Variants in LDB2 observed in about 807,000 individuals in gnomAD.
LDB2 encodes the protein LIM domain-binding protein 2.
Under a neutral mutation model 44.3 loss-of-function variants are expected in LDB2, and 12 were observed. That is an observed-to-expected ratio of 0.27 (90% CI 0.17 to 0.44). The LOEUF (loss-of-function observed/expected upper bound fraction) is 0.44, where lower values mean the gene tolerates loss of function less well. LDB2 is among the 20% of genes least tolerant of loss of function. The probability of loss-of-function intolerance (pLI) is 1.00; values close to 1 mark genes in which losing one functional copy is unlikely to be tolerated. For missense variants in LDB2, 344 were observed against 473.5 expected, an observed-to-expected ratio of 0.73 and a Z score of 2.54; for synonymous variants, 164 against 174.8, an observed-to-expected ratio of 0.94 and a Z score of 0.49.
intron 1 of LDB2, among the ~76,000 whole-genome samples, chr4:16,829,283 T>C (rs1364839292): frequency 6.6e-6 from 1 of 152,086 alleles, no homozygotes; most frequent in Non-Finnish European, 1.5e-5. Flanking sequence ...TAAGTAGCTG[T>C]TAGCACCATA....
Position 16,689,194 on chromosome 4 carries a change from C to T in LDB2, c.235+69964G>A, listed in dbSNP as rs542847103. On this transcript the variant is annotated intron_variant, in intron 2 of 7. Transcript: ENST00000304523. ...AGCTGTCCTACCAGAGCTGGATCAC[C>T]GAGGGTACAAAGCTGATGTTGGAGA... 5.3e-5 allele frequency among the ~76,000 whole-genome samples: 8 copies of T among 152,224 alleles called. No individual in the cohort carries two copies. In the South Asian group the frequency reaches 6.2e-4, roughly 12 times the overall value.
At chr4:16,888,494 C>A (rs985371036) in intron 1 of LDB2, among the ~76,000 whole-genome samples, 1 of 152,120 alleles carries the variant, frequency 6.6e-6, no homozygotes, top group African/African-American at 2.4e-5. Context: ...TTATGTCATC[C>A]CTGCCATATA....
At chr4:16,584,573 T>C (rs1560546591) in intron 5 of LDB2, among the ~76,000 whole-genome samples, 2 of 152,200 alleles carry the variant, frequency 1.3e-5, no homozygotes, top group Admixed American at 6.5e-5. Context: ...ACAAGATACA[T>C]GGCAAAGAAC....
chr4:16,650,140 A>T (rs1737860258), intron 2 of LDB2, among the ~76,000 whole-genome samples: 1 of 152,198 alleles, frequency 6.6e-6, no homozygotes, highest in Non-Finnish European at 1.5e-5. Flanking sequence ...CCTAATTTCC[A>T]ATCCTGGCAC....
At chr4:16,743,999 C>G (rs1763865717) in intron 2 of LDB2, among the ~76,000 whole-genome samples, 1 of 152,218 alleles carries the variant, frequency 6.6e-6, no homozygotes, top group Admixed American at 6.5e-5. Context: ...GACACTTCCC[C>G]CTATACTTGG....
chr4:16,777,643 G>C (rs761250400), intron 1 of LDB2, among the ~76,000 whole-genome samples: 7 of 152,168 alleles, frequency 4.6e-5, no homozygotes, highest in African/African-American at 1.7e-4. Flanking sequence ...CCTGTGATGA[G>C]ACCAAGTAAT....
chr4:16,515,631 C>T (rs1723350364), intron 5 of LDB2, among the ~76,000 whole-genome samples: 1 of 152,096 alleles, frequency 6.6e-6, no homozygotes, highest in Non-Finnish European at 1.5e-5. Context: ...AGAAAAGCTT[C>T]AGAGAAATCC....
At chr4:16,855,873 A>G (rs1340179762) in intron 1 of LDB2, among the ~76,000 whole-genome samples, 1 of 152,142 alleles carries the variant, frequency 6.6e-6, no homozygotes, top group Admixed American at 6.5e-5. Context: ...AGTGGGTAAA[A>G]TATCCATTCA....
At chr4:16,509,993 G>T (rs1382448763) in intron 6 of LDB2, among the ~76,000 whole-genome samples, 1 of 152,062 alleles carries the variant, frequency 6.6e-6, no homozygotes, top group Non-Finnish European at 1.5e-5. Flanking sequence ...TACGCACCAG[G>T]GGTCCCAGAT....
intron 2 of LDB2, among the ~76,000 whole-genome samples, chr4:16,670,031 G>A (rs1238021104): frequency 3.3e-5 from 5 of 152,208 alleles, no homozygotes; most frequent in Admixed American, 6.5e-5. Context: ...GTAATTTTAA[G>A]AGAAATCTAA....
At chr4:16,885,476 T>C (rs1282807262) in intron 1 of LDB2, among the ~76,000 whole-genome samples, 1 of 152,180 alleles carries the variant, frequency 6.6e-6, no homozygotes, top group Non-Finnish European at 1.5e-5. Flanking sequence ...AAAGACCTCT[T>C]TGATCCAGTA....
chr4:16,798,382 G>T (rs551345284), intron 1 of LDB2, among the ~76,000 whole-genome samples: 1 of 152,118 alleles, frequency 6.6e-6, no homozygotes, highest in Non-Finnish European at 1.5e-5. Flanking sequence ...CTAAAGCTGA[G>T]GACATGACTT....
intron 5 of LDB2, among the ~76,000 whole-genome samples, chr4:16,575,531 T>C (rs1313906285): frequency 6.6e-6 from 1 of 152,148 alleles, no homozygotes; most frequent in Non-Finnish European, 1.5e-5. Context: ...TGGATGATTC[T>C]CAAGGATTGG....
chr4:16,764,378 G>A (rs1388455656), intron 1 of LDB2, among the ~76,000 whole-genome samples: 3 of 152,120 alleles, frequency 2.0e-5, no homozygotes, highest in African/African-American at 4.8e-5. Context: ...GGATAATAAA[G>A]AGATTAGGAG....
intron 5 of LDB2, among the ~76,000 whole-genome samples, chr4:16,557,944 C>T (rs1577687086): frequency 6.6e-6 from 1 of 152,344 alleles, no homozygotes; most frequent in African/African-American, 2.4e-5. Context: ...GCTGCTGATA[C>T]CCAGGCAAAC....
At chr4:16,792,567 C>T (rs1188326669) in intron 1 of LDB2, among the ~76,000 whole-genome samples, 2 of 152,202 alleles carry the variant, frequency 1.3e-5, no homozygotes, top group East Asian at 1.9e-4. Flanking sequence ...AACCAATTAT[C>T]TAACTGCTCC....
chr4:16,522,294 G>GTA (rs1726504795), intron 5 of LDB2, among the ~76,000 whole-genome samples: 1 of 152,012 alleles, frequency 6.6e-6, no homozygotes, highest in African/African-American at 2.4e-5. Context: ...GTGTGTGTGT[G>GTA]TGTATGTATG....
chr4:16,807,475 C>A (rs182409549), intron 1 of LDB2, among the ~76,000 whole-genome samples: 11 of 152,322 alleles, frequency 7.2e-5, no homozygotes, highest in Non-Finnish European at 1.5e-4. Flanking sequence ...TGTTTTCACT[C>A]ATTCTTCCCT....
chr4:16,642,938 T>C (rs1472907608), intron 2 of LDB2, among the ~76,000 whole-genome samples: 4 of 152,164 alleles, frequency 2.6e-5, no homozygotes, highest in African/African-American at 7.2e-5. Flanking sequence ...GTCTTTTTAA[T>C]TTTTTTCTTT....
Sources: allele counts gnomAD v4.1 joint callset (sites outside exome capture counted in the v4.1 genomes callset), GRCh38; gene constraint gnomAD v4.1.1; transcripts MANE v1.5; gene names NCBI Gene and HGNC (gene_info 2026-07-23, HGNC 2026-07-21).